Variants in OLFM3 observed in about 807,000 individuals in gnomAD.
The protein encoded by OLFM3 is olfactomedin 3, also known as noelin-3.
In OLFM3, 20 loss-of-function variants were observed where a neutral mutation model predicts 48.6. That is an observed-to-expected ratio of 0.41 (90% CI 0.29 to 0.60). OLFM3 has a LOEUF of 0.60. OLFM3 is among the 20% of genes least tolerant of loss of function. OLFM3 has a pLI of 0.28. For synonymous variants in OLFM3, 222 were observed against 198.1 expected (o/e 1.12, Z -1.01); for missense variants, 437 against 544.3 (o/e 0.80, Z 1.96).
intron 1 of OLFM3, among the ~76,000 whole-genome samples, chr1:101,848,046 T>C (rs918047841): frequency 6.6e-6 from 1 of 152,190 alleles, no homozygotes; most frequent in Admixed American, 6.5e-5. Context: ...TTAGCAAGTG[T>C]GGTATATAGA....
intron 1 of OLFM3, among the ~76,000 whole-genome samples, chr1:101,891,282 T>C (rs1276799147): frequency 6.6e-6 from 1 of 151,972 alleles, no homozygotes; most frequent in Admixed American, 6.6e-5. Flanking sequence ...GGGTTAAGCA[T>C]AGCAATTTAA....
At chr1:101,878,458 G>A (rs1165470898) in intron 1 of OLFM3, among the ~76,000 whole-genome samples, 1 of 151,894 alleles carries the variant, frequency 6.6e-6, no homozygotes, top group Non-Finnish European at 1.5e-5. Context: ...TCAGAGGGAA[G>A]GTGACTTTCA....
chr1:101,984,054 GC>G (rs1254834156), intron 1 of OLFM3, among the ~76,000 whole-genome samples: 1 of 152,092 alleles, frequency 6.6e-6, no homozygotes, highest in African/African-American at 2.4e-5. Context: ...GTTGAGGCCA[GC>G]CTGGGCAACA....
At chr1:101,837,046 C>G (rs1381329784) in intron 1 of OLFM3, 21 bp from the exon 2 acceptor site, 2 of 1,604,866 alleles carry the variant, frequency 1.2e-6, no homozygotes, top group Admixed American at 3.4e-5. Flanking sequence ...CAAAGGGAAA[C>G]ATAAAACACA....
chr1:101,835,294 T>C (rs2100920421), intron 2 of OLFM3, among the ~76,000 whole-genome samples: 1 of 152,336 alleles, frequency 6.6e-6, no homozygotes, highest in African/African-American at 2.4e-5. Context: ...AATTTTTATA[T>C]AAATAAAAAA....
chr1:101,866,901 G>A (rs1462284850), intron 1 of OLFM3, among the ~76,000 whole-genome samples: 1 of 152,128 alleles, frequency 6.6e-6, no homozygotes, highest in Non-Finnish European at 1.5e-5. Flanking sequence ...TGAGAGAAGA[G>A]CAGAAATATT....
chr1:101,844,616 A>AGTC (rs1655894144), intron 1 of OLFM3, among the ~76,000 whole-genome samples: 1 of 152,144 alleles, frequency 6.6e-6, no homozygotes, highest in African/African-American at 2.4e-5. Flanking sequence ...TTCCAGCTAA[A>AGTC]GTCTTGAGAG....
chr1:101,986,588 G>A (rs906716793), intron 1 of OLFM3, among the ~76,000 whole-genome samples: 14 of 152,128 alleles, frequency 9.2e-5, no homozygotes, highest in African/African-American at 2.4e-4. Context: ...TTTAGGTTGA[G>A]TCGCTTGAGA....
intron 4 of OLFM3, 151 bp downstream of exon 4, chr1:101,824,875 T>A (rs1019892890): frequency 1.4e-5 from 9 of 662,324 alleles, no homozygotes; most frequent in Non-Finnish European, 1.8e-5. Flanking sequence ...CCAGACATGC[T>A]TAAGTCATTA....
chr1:101,872,152 A>G (rs765469214), intron 1 of OLFM3, among the ~76,000 whole-genome samples: 4 of 152,206 alleles, frequency 2.6e-5, no homozygotes, highest in Admixed American at 1.3e-4. Flanking sequence ...AAGATTACAG[A>G]TAAGTTCAGA....
At chr1:101,843,926 G>C (rs111631969) in intron 1 of OLFM3, among the ~76,000 whole-genome samples, 1 of 152,068 alleles carries the variant, frequency 6.6e-6, no homozygotes, top group African/African-American at 2.4e-5. Flanking sequence ...CTGCGTGTGC[G>C]TGTGCGTGTG....
At chr1:101,810,498 A>G (rs891735463) in intron 4 of OLFM3, among the ~76,000 whole-genome samples, 17 of 152,028 alleles carry the variant, frequency 1.1e-4, no homozygotes, top group African/African-American at 3.6e-4. Flanking sequence ...TATTTAGGTT[A>G]TAATGTAAAA....
At chr1:101,867,441 T>C (rs1656900465) in intron 1 of OLFM3, among the ~76,000 whole-genome samples, 2 of 152,214 alleles carry the variant, frequency 1.3e-5, no homozygotes, top group African/African-American at 4.8e-5. Flanking sequence ...ACCTTCCTTG[T>C]CAGCCACACA....
chr1:101,835,608 C>A (rs1338045102), intron 2 of OLFM3, among the ~76,000 whole-genome samples: 1 of 152,228 alleles, frequency 6.6e-6, no homozygotes, highest in Non-Finnish European at 1.5e-5. Flanking sequence ...AGCCAGCACA[C>A]CTGGCCTTGT....
intron 1 of OLFM3, among the ~76,000 whole-genome samples, chr1:101,924,234 T>C (rs1228858720): frequency 2.0e-5 from 3 of 152,306 alleles, no homozygotes; most frequent in Non-Finnish European, 4.4e-5. Flanking sequence ...ATTTGCACAA[T>C]AGTGGATACA....
chr1:101,979,642 G>A (rs1012110992), intron 1 of OLFM3, among the ~76,000 whole-genome samples: 5 of 152,300 alleles, frequency 3.3e-5, no homozygotes, highest in East Asian at 3.9e-4. Flanking sequence ...TGGATGTCCA[G>A]GCAGAAGTTT....
intron 1 of OLFM3, among the ~76,000 whole-genome samples, chr1:101,953,460 AC>A (rs1202884689): frequency 6.6e-6 from 1 of 152,228 alleles, no homozygotes; most frequent in Non-Finnish European, 1.5e-5. Context: ...TTGGCACTTT[AC>A]AGCACAATTT....
At chr1:101,846,833 G>T (rs561219344) in intron 1 of OLFM3, 7 of 1,590,494 alleles carry the variant, frequency 4.4e-6, no homozygotes, top group Middle Eastern at 1.7e-4. Flanking sequence ...CAAACCCACC[G>T]CAGTAACTTA....
chr1:101,970,494 T>C lies in OLFM3; in HGVS notation c.69+26254A>G, dbSNP rs1288674232. ...CTTTCTCCCTTTCATCTACCCCTCC[T>C]TTCTCTAATCTTTTCCCCCTTCTTT... is the stretch of plus-strand genomic sequence containing the variant. On this transcript the variant is annotated intron_variant, in intron 1 of 5. Coordinates refer to ENST00000370103, the MANE Select transcript of OLFM3 (RefSeq NM_058170.4). Among the ~76,000 whole-genome samples the C allele has an allele frequency of 2.0e-5, 3 of 152,188 alleles. No individual in the cohort carries two copies. In the East Asian group the frequency reaches 5.8e-4, roughly 29 times the overall value.
Sources: allele counts gnomAD v4.1 joint callset (sites outside exome capture counted in the v4.1 genomes callset), GRCh38; gene constraint gnomAD v4.1.1; transcripts MANE v1.5; gene names NCBI Gene and HGNC (gene_info 2026-07-23, HGNC 2026-07-21).